Variants in FRMD5 observed in about 807,000 individuals in gnomAD.
The protein encoded by FRMD5 is FERM domain-containing protein 5.
FRMD5 carries 20 observed loss-of-function variants against 69.0 expected under a neutral mutation model. That is an observed-to-expected ratio of 0.29 (90% CI 0.20 to 0.42). The LOEUF (loss-of-function observed/expected upper bound fraction) is 0.42, where lower values mean the gene tolerates loss of function less well. Ranked by LOEUF, FRMD5 falls within the 10% of genes least tolerant of loss-of-function variation. The pLI, the probability that FRMD5 is intolerant of heterozygous loss-of-function variation, is 1.00. For missense variants in FRMD5, 595 were observed against 708.6 expected (o/e 0.84, Z 1.82); for synonymous variants, 271 against 260.1 (o/e 1.04, Z -0.40).
intron 1 of FRMD5, 117 bp downstream of exon 1, chr15:44,194,836 A>T (rs1229146920): frequency 1.6e-5 from 14 of 899,734 alleles, no homozygotes; most frequent in Non-Finnish European, 2.5e-5. Flanking sequence ...CCAGGAACGG[A>T]CAAAGCACGG....
intron 1 of FRMD5, among the ~76,000 whole-genome samples, chr15:44,057,905 AC>A (rs1342323826): frequency 3.9e-5 from 6 of 152,186 alleles, no homozygotes; most frequent in Admixed American, 3.3e-4. Context: ...GCCTCAAATA[AC>A]CCATTAGAAA....
At chr15:43,959,853 T>C (rs139688385) in intron 1 of FRMD5, among the ~76,000 whole-genome samples, 12 of 152,338 alleles carry the variant, frequency 7.9e-5, no homozygotes, top group African/African-American at 2.6e-4. Context: ...CTATTGCTCA[T>C]TGATACTACT....
chr15:44,101,838 C>T (rs1362997679), intron 1 of FRMD5, among the ~76,000 whole-genome samples: 4 of 152,200 alleles, frequency 2.6e-5, no homozygotes, highest in African/African-American at 7.2e-5. Flanking sequence ...CACCTGGGTG[C>T]TTTTCAAAAA....
At chr15:43,987,168 T>C (rs926807604) in intron 1 of FRMD5, among the ~76,000 whole-genome samples, 4 of 152,334 alleles carry the variant, frequency 2.6e-5, no homozygotes, top group South Asian at 2.1e-4. Context: ...ATAACCCTAC[T>C]ACGGCCTCTA....
intron 7 of FRMD5, among the ~76,000 whole-genome samples, chr15:43,900,716 C>T (rs963683869): frequency 6.6e-6 from 1 of 151,344 alleles, no homozygotes; most frequent in Non-Finnish European, 1.5e-5. Flanking sequence ...TTCCCGAGTT[C>T]ATGCGATTCT....
chr15:44,080,246 C>T (rs1038286945), intron 1 of FRMD5, among the ~76,000 whole-genome samples: 25 of 152,028 alleles, frequency 1.6e-4, no homozygotes, highest in African/African-American at 5.8e-4. Flanking sequence ...TATATGCATT[C>T]TTTGTCTTCC....
chr15:44,114,940 G>A (rs989795886), intron 1 of FRMD5, among the ~76,000 whole-genome samples: 1 of 152,120 alleles, frequency 6.6e-6, no homozygotes, highest in African/African-American at 2.4e-5. Context: ...ACAGAGGAAT[G>A]TGGACCCAAA....
chr15:43,985,572 C>T (rs1889356007), intron 1 of FRMD5, among the ~76,000 whole-genome samples: 1 of 152,150 alleles, frequency 6.6e-6, no homozygotes, highest in Non-Finnish European at 1.5e-5. Context: ...TGAGGCCCCA[C>T]CCAGGACCTT....
chr15:44,103,384 T>C (rs1029127212), intron 1 of FRMD5, among the ~76,000 whole-genome samples: 13 of 152,328 alleles, frequency 8.5e-5, no homozygotes, highest in African/African-American at 2.9e-4. Context: ...AGGAGTTTTA[T>C]GGAATAGTTT....
intron 1 of FRMD5, among the ~76,000 whole-genome samples, chr15:44,099,380 G>C (rs907274618): frequency 2.0e-5 from 3 of 152,002 alleles, no homozygotes; most frequent in Non-Finnish European, 2.9e-5. Flanking sequence ...CTGATCCATG[G>C]ACCACATTTT....
chr15:43,957,278 C>T (rs934605444), intron 1 of FRMD5, among the ~76,000 whole-genome samples: 1 of 152,148 alleles, frequency 6.6e-6, no homozygotes, highest in Non-Finnish European at 1.5e-5. Context: ...TCCCTGCAAC[C>T]TCTACCTCCC....
At chr15:44,096,214 A>C (rs1005165764) in intron 1 of FRMD5, among the ~76,000 whole-genome samples, 2 of 150,180 alleles carry the variant, frequency 1.3e-5, no homozygotes, top group Admixed American at 1.3e-4. Flanking sequence ...CTCAAAAAAA[A>C]AAAAAAAAAA....
chr15:44,008,085 G>A lies in FRMD5; in HGVS notation c.103-83776C>T, dbSNP rs964682549. On this transcript the variant is annotated intron_variant, in intron 1 of 13. Transcript: ENST00000417257. ...GCCTACTGAGTAGGTGGGGACAATC[G>A]GCAATTTTTTTTTTTTTTTTTTTTT... Among the ~76,000 whole-genome samples the A allele has an allele frequency of 5.1e-5, 7 of 138,074 alleles. No individual in the cohort carries two copies. The South Asian group carries it at 7.1e-4, about 14-fold the overall frequency. The allele number at this position is 138,074 out of a possible 152,430, so 90.6% of individuals were successfully genotyped here. A position where few individuals can be genotyped will look rare whatever the true frequency, so the allele number is the denominator to read the frequency against.
chr15:44,026,356 T>G (rs1338829568), intron 1 of FRMD5, among the ~76,000 whole-genome samples: 1 of 152,240 alleles, frequency 6.6e-6, no homozygotes, highest in Non-Finnish European at 1.5e-5. Flanking sequence ...ATTACCCTCT[T>G]CTGTCATACC....
At chr15:43,970,595 T>C (rs2140574549) in intron 1 of FRMD5, among the ~76,000 whole-genome samples, 1 of 152,244 alleles carries the variant, frequency 6.6e-6, no homozygotes, top group Middle Eastern at 3.4e-3. Flanking sequence ...GGATTACAGG[T>C]GTGTGACAGA....
At chr15:44,193,083 G>A (rs1475872151) in intron 1 of FRMD5, among the ~76,000 whole-genome samples, 36 of 152,026 alleles carry the variant, frequency 2.4e-4, no homozygotes, top group Admixed American at 2.4e-3. Flanking sequence ...TACCAATCAA[G>A]CAACCTCAAA....
intron 1 of FRMD5, among the ~76,000 whole-genome samples, chr15:43,947,521 T>G (rs2089965532): frequency 1.3e-5 from 2 of 152,150 alleles, no homozygotes; most frequent in Non-Finnish European, 2.9e-5. Context: ...AAATGATGGT[T>G]TTTATAATCC....
Position 43,872,563 on chromosome 15 carries a change from T to C in FRMD5, c.*1322A>G, listed in dbSNP as rs1397809344. ...TGCCTGTGCTGCGTGCTTCGAGGAC[T>C]TCCCTCTGCAAGGATGGTGATGCTT... On this transcript the variant is annotated 3_prime_UTR_variant, in exon 14 of 14. Coordinates refer to ENST00000417257, the MANE Select transcript of FRMD5 (RefSeq NM_032892.5). 2 of 152,384 alleles carry C rather than the reference T, an allele frequency of 1.3e-5. No individual in the cohort carries two copies. Among genetic ancestry groups the C allele is most frequent in the African/African-American group, 2.4e-5 (1 of 41,466 alleles). The allele number at this position is 152,384 out of a possible 1,614,324, so 9.4% of individuals were successfully genotyped here.
At chr15:43,991,167 T>C (rs1283826718) in intron 1 of FRMD5, among the ~76,000 whole-genome samples, 1 of 152,232 alleles carries the variant, frequency 6.6e-6, no homozygotes, top group Non-Finnish European at 1.5e-5. Flanking sequence ...TTTTTATCAT[T>C]GTAGAACTGT....
Sources: allele counts gnomAD v4.1 joint callset (sites outside exome capture counted in the v4.1 genomes callset), GRCh38; gene constraint gnomAD v4.1.1; transcripts MANE v1.5; gene names NCBI Gene and HGNC (gene_info 2026-07-23, HGNC 2026-07-21).